The following TMPRSS6 variants were observed in gnomAD, a reference collection of about 807,000 sequenced individuals.
The protein encoded by TMPRSS6 is transmembrane serine protease 6.
TMPRSS6 carries 67 observed loss-of-function variants against 101.5 expected under a neutral mutation model. The ratio of observed to expected loss-of-function variants is 0.66; its 90% CI spans 0.54 to 0.81. The LOEUF (loss-of-function observed/expected upper bound fraction) is 0.81, where lower values mean the gene tolerates loss of function less well. TMPRSS6 is among the 30% of genes least tolerant of loss of function. TMPRSS6 has a pLI of 0.00. For missense variants in TMPRSS6, 1,034 were observed against 1,088.7 expected, an observed-to-expected ratio of 0.95 and a Z score of 0.71; for synonymous variants, 453 against 464.9, an observed-to-expected ratio of 0.97 and a Z score of 0.33.
chr22:37,095,845 C>T (rs941020271), intron 5 of TMPRSS6, 61 bp downstream of exon 5: 6 of 1,604,460 alleles, frequency 3.7e-6, no homozygotes, highest in South Asian at 3.3e-5. Flanking sequence ...CCGGGCCACA[C>T]CACAGCTTGT....
rs2146032736 is a variant in TMPRSS6, at chr22:37,069,484, A to C, written c.1842-140T>G. 1 of 872,390 alleles carries C rather than the reference A, an allele frequency of 1.1e-6. No homozygotes were observed. The highest frequency in any genetic ancestry group is 2.7e-5 in the East Asian group (1 of 37,496). The allele number at this position is 872,390 out of a possible 1,614,324, so 54.0% of individuals were successfully genotyped here. ...CACCCAGCCCTCCCTTCCCTCCCTG[A>C]AGGTCGCCTAGCTGGTGGTACAGCG... On this transcript the variant is annotated intron_variant, in intron 15 of 17. Coordinates refer to ENST00000676104, the MANE Select transcript of TMPRSS6 (RefSeq NM_001374504.1). This position sits in a 1 kb window ranked among gnomAD's most constrained non-coding sequence, Gnocchi z 4.8.
chr22:37,082,474 C>T lies in TMPRSS6; in HGVS notation c.1196+1821G>A, dbSNP rs1427495100. ...GGCAGGAAAACATGTTCTCATCATTCGCAGAACTGTGAATCATGGATCCAT... is the reference window on the plus strand; with the variant it reads ...GGCAGGAAAACATGTTCTCATCATTTGCAGAACTGTGAATCATGGATCCAT... On this transcript the variant is annotated intron_variant, in intron 10 of 17. Transcript: ENST00000676104. 5 of 160,946 alleles carry T rather than the reference C, an allele frequency of 3.1e-5. No homozygotes were observed. In the South Asian group the frequency reaches 4.8e-4, roughly 15 times the overall value. 10.0% of individuals were successfully genotyped at this position (160,946 alleles called of 1,614,324 possible). A position where few individuals can be genotyped will look rare whatever the true frequency, so the allele number is the denominator to read the frequency against.
intron 16 of TMPRSS6, among the ~76,000 whole-genome samples, 184 bp from the exon 17 acceptor site, chr22:37,067,146 G>A (rs1461263037): frequency 6.6e-6 from 1 of 152,170 alleles, no homozygotes; most frequent in South Asian, 2.1e-4. Flanking sequence ...CTCTTTCTCT[G>A]TGGGGTTCAT....
intron 16 of TMPRSS6, among the ~76,000 whole-genome samples, chr22:37,067,537 C>T (rs1159673356): frequency 6.6e-6 from 1 of 152,138 alleles, no homozygotes; most frequent in Non-Finnish European, 1.5e-5. Context: ...TTCTTGTCCC[C>T]CACCTCTGTC....
At chr22:37,070,139 C>T (rs1414030928) in intron 15 of TMPRSS6, among the ~76,000 whole-genome samples, 2 of 152,142 alleles carry the variant, frequency 1.3e-5, no homozygotes, top group African/African-American at 2.4e-5. Context: ...AGCTTATGAC[C>T]AGGTTGGGCA....
rs373680133 is a variant in TMPRSS6, at chr22:37,095,967, G to A, written c.528C>T (p.Ser176=). The change falls in exon 5 of 18, where the codon AGC becomes AGT. Residue 176 remains serine, a synonymous_variant. Coordinates refer to ENST00000676104, the MANE Select transcript of TMPRSS6 (RefSeq NM_001374504.1). The stretch of plus-strand genomic sequence containing the variant: ...CGGCCCTGTAGGGGACGGCAGCCGA[G>A]CTGTTGACTGTGGACAGCAGCTCCT... ...LVEELLSTVN[S]SAAVPYRAEY... is the part of the protein sequence containing the mutation. The A allele has an allele frequency of 6.8e-6, 11 of 1,614,082 alleles. No individual in the cohort carries two copies. Among genetic ancestry groups the A allele is most frequent in the African/African-American group, 4.0e-5 (3 of 74,946 alleles).
In TMPRSS6 at chr22:37,077,964, G is replaced by A. The variant is rs965327410; in HGVS notation, c.1197-2684C>T. On this transcript the variant is annotated intron_variant, in intron 10 of 17. Transcript: ENST00000676104. Reference sequence around the variant, plus strand: ...CAGCCCAGCAGGGCCGGTGGGGGACGAGGCACCGCCAGGGGGCGCCCCTGA... The same window carrying A: ...CAGCCCAGCAGGGCCGGTGGGGGACAAGGCACCGCCAGGGGGCGCCCCTGA... Among the ~76,000 whole-genome samples, 22 of 152,322 alleles carry A rather than the reference G, an allele frequency of 1.4e-4. No individual in the cohort carries two copies. The East Asian group carries it at 4.2e-3, about 29-fold the overall frequency.
Position 37,071,007 on chromosome 22 carries a change from GA to G in TMPRSS6, c.1580del (p.Phe527SerfsTer9). The G allele has an allele frequency of 6.2e-7, 1 of 1,613,058 alleles. No homozygotes were observed. Among genetic ancestry groups the G allele is most frequent in the South Asian group, 1.1e-5 (1 of 91,048 alleles). On this transcript the variant is annotated frameshift_variant, in exon 14 of 18. Coordinates refer to ENST00000676104, the MANE Select transcript of TMPRSS6 (RefSeq NM_001374504.1). LOFTEE classifies it high-confidence loss of function. ...TCACGCAGCTCCGGTCCTCACACTG[GA>G]AGGTGAATGTCCCACATGGCACCCC... ...QEGVPCGTFTFQCEDRSCVKK... is the reference protein window; with the variant it reads ...QEGVPCGTFTXQCEDRSCVKK...
chr22:37,080,114 GGCA>G (rs1928147372), intron 10 of TMPRSS6: 1 of 152,300 alleles, frequency 6.6e-6, no homozygotes, highest in South Asian at 2.1e-4. Flanking sequence ...GTGCTTCGGT[GGCA>G]GCCCGTGAGA....
Position 37,078,963 on chromosome 22 carries a change from GAAAGAAAGAAAAAGAAAGAAAGAA to G in TMPRSS6, c.1197-3707_1197-3684del, listed in dbSNP as rs1569005951. Reference sequence around the variant, plus strand: ...AGAAGGAGAAGGAGAAAAAGAGAAAGAAAGAAAGAAAAAGAAAGAAAGAAAGAAAGAAAGAAAGAAAGAAAGAAA... The same window carrying G: ...AGAAGGAGAAGGAGAAAAAGAGAAAGAGAAAGAAAGAAAGAAAGAAAGAAA... On this transcript the variant is annotated intron_variant, in intron 10 of 17. Coordinates refer to ENST00000676104, the MANE Select transcript of TMPRSS6 (RefSeq NM_001374504.1). Among the ~76,000 whole-genome samples the G allele has an allele frequency of 1.2e-3, 108 of 92,520 alleles. 2 individuals carry two copies. Among genetic ancestry groups the G allele is most frequent in the African/African-American group, 3.8e-3 (103 of 26,756 alleles). The allele number at this position is 92,520 out of a possible 152,430, so 60.7% of individuals were successfully genotyped here.
At chr22:37,077,579 G>A (rs973422941) in intron 10 of TMPRSS6, among the ~76,000 whole-genome samples, 3 of 152,164 alleles carry the variant, frequency 2.0e-5, no homozygotes, top group Non-Finnish European at 4.4e-5. Flanking sequence ...GTGTGACATC[G>A]GGACTGATTG....
At chr22:37,105,670 C>T (rs1930671663) in intron 1 of TMPRSS6, among the ~76,000 whole-genome samples, 1 of 152,140 alleles carries the variant, frequency 6.6e-6, no homozygotes, top group Non-Finnish European at 1.5e-5. Context: ...ATATTCCCGT[C>T]GCACCCCTTT....
rs1337174379 is a variant in TMPRSS6, at chr22:37,103,396, G to C, written c.22C>G (p.Gln8Glu). ...CCGTCCCCCTGCCCGCCAGCCACCTGGGGGGCCTCGGCCACGGGCATCCTG... is the reference window on the plus strand; with the variant it reads ...CCGTCCCCCTGCCCGCCAGCCACCTCGGGGGCCTCGGCCACGGGCATCCTG... MPVAEAP[Q>E]VAGGQGDGGD... Residue 8 changes from glutamine (Q) to glutamate (E), a missense_variant, in exon 2 of 18, where the codon CAG (glutamine) becomes GAG (glutamate). By Grantham distance (29) the Gln-to-Glu change is conservative. Coordinates refer to ENST00000676104, the MANE Select transcript of TMPRSS6 (RefSeq NM_001374504.1). The surrounding 1 kb of genome is among the most constrained non-coding windows in gnomAD (Gnocchi z 4.4). 6.2e-7 allele frequency: 1 copy of C among 1,614,122 alleles called. No individual in the cohort carries two copies. The highest frequency in any genetic ancestry group is 1.7e-5 in the Admixed American group (1 of 60,026).
In TMPRSS6 at chr22:37,070,997, C is replaced by A. The variant is rs773055587; in HGVS notation, c.1591G>T (p.Asp531Tyr). The change falls in exon 14 of 18, where the codon GAC becomes TAC. Residue 531 changes from aspartate to tyrosine, a missense_variant. Asp to Tyr is a radical substitution (Grantham distance 160). Coordinates refer to ENST00000676104, the MANE Select transcript of TMPRSS6 (RefSeq NM_001374504.1). ...TTGGGCTTCTTCACGCAGCTCCGGT[C>A]CTCACACTGGAAGGTGAATGTCCCA... ...PCGTFTFQCE[D>Y]RSCVKKPNPQ... The A allele has an allele frequency of 1.9e-6, 3 of 1,612,890 alleles. No individual in the cohort carries two copies. The highest frequency in any genetic ancestry group is 2.5e-6 in the Non-Finnish European group (3 of 1,179,908).
At chr22:37,078,973 A>AAAAGAAAGAAAGAAAGAAAGAAAAG (rs1928008202) in intron 10 of TMPRSS6, among the ~76,000 whole-genome samples, 2 of 106,510 alleles carry the variant, frequency 1.9e-5, no homozygotes, top group Non-Finnish European at 3.9e-5. Context: ...GAAAGAAAGA[A>AAAAGAAAGAAAGAAAGAAAGAAAAG]AAAGAAAGAA....
chr22:37,090,251 A>G (rs973038988), intron 6 of TMPRSS6, among the ~76,000 whole-genome samples: 1 of 152,208 alleles, frequency 6.6e-6, no homozygotes, highest in African/African-American at 2.4e-5. Flanking sequence ...AGCTGAAGGC[A>G]GGGAGGCCTG....
chr22:37,071,314 G>C (rs5756505), intron 13 of TMPRSS6, among the ~76,000 whole-genome samples: 73,361 of 151,712 alleles, frequency 0.48, 19,937 homozygotes, highest in African/African-American at 0.75. Context: ...TGTGGAACTT[G>C]AAGGCAGAAC....
intron 10 of TMPRSS6, among the ~76,000 whole-genome samples, chr22:37,075,603 T>C (rs917239515): frequency 6.6e-6 from 1 of 152,234 alleles, no homozygotes; most frequent in Non-Finnish European, 1.5e-5. Flanking sequence ...CTTCCTCCCT[T>C]ATAAAACAAG....
chr22:37,070,683 AGAG>A (rs1926813891), intron 14 of TMPRSS6, 31 bp from the exon 15 acceptor site: 7 of 1,603,058 alleles, frequency 4.4e-6, no homozygotes, highest in Non-Finnish European at 6.0e-6. Context: ...TGGGGTGGAC[AGAG>A]GAGGAGGGGA....
Sources: gnomAD v4.1 joint callset for allele counts (sites outside exome capture counted in the v4.1 genomes callset) on GRCh38, gnomAD v4.1.1 for gene constraint, Gnocchi (gnomAD v3.1) non-coding constraint, MANE v1.5 for transcripts, NCBI Gene and HGNC (gene_info 2026-07-23, HGNC 2026-07-21) for gene names.